The following ZNF462 variants were observed in gnomAD, a reference collection of about 807,000 sequenced individuals.
ZNF462 encodes zinc finger protein 462.
Under a neutral mutation model 201.9 loss-of-function variants are expected in ZNF462, and 10 were observed. The observed-to-expected ratio is 0.05, with a 90% CI of 0.03 to 0.08. The LOEUF (loss-of-function observed/expected upper bound fraction) is 0.08, where lower values mean the gene tolerates loss of function less well. Among genes scored for constraint, ZNF462 ranks in the 10% least tolerant of loss-of-function variants. ZNF462 has a pLI of 1.00. For missense variants in ZNF462, 2,523 were observed against 3,168.3 expected (o/e 0.80, Z 4.89); for synonymous variants, 1,227 against 1,193.3 (o/e 1.03, Z -0.58).
intron 1 of ZNF462, among the ~76,000 whole-genome samples, chr9:106,906,117 T>G (rs1829262216): frequency 6.6e-6 from 1 of 152,206 alleles, no homozygotes; most frequent in African/African-American, 2.4e-5. Context: ...CTAACTTGAC[T>G]CAGCTCCAGG....
At chr9:106,998,973 G>A (rs1475571458) in intron 10 of ZNF462, among the ~76,000 whole-genome samples, 2 of 152,092 alleles carry the variant, frequency 1.3e-5, no homozygotes, top group Non-Finnish European at 2.9e-5. Flanking sequence ...CTTCACAGGG[G>A]ACCTTGAGTG....
intron 1 of ZNF462, among the ~76,000 whole-genome samples, chr9:106,897,904 G>A (rs1828878796): frequency 6.6e-6 from 1 of 152,174 alleles, no homozygotes; most frequent in African/African-American, 2.4e-5. Context: ...TGAGGCTAAA[G>A]CCGTGCTCTA....
chr9:106,899,775 C>T (rs568098574), intron 1 of ZNF462, among the ~76,000 whole-genome samples: 1 of 152,270 alleles, frequency 6.6e-6, no homozygotes, highest in South Asian at 2.1e-4. Flanking sequence ...TCAGGTTTCC[C>T]TCCACCTGCT....
In ZNF462 at chr9:106,935,454, G is replaced by A. The variant is rs201134163; in HGVS notation, c.6117-49G>A. The stretch of plus-strand genomic sequence containing the variant: ...AAAAAGCAATGAGCAAATCCTCTAT[G>A]CAATTTTTAATTTTGTCATTTTTCT... On this transcript the variant is annotated intron_variant, in intron 5 of 12. Transcript: ENST00000277225. This position sits in a 1 kb window ranked among gnomAD's most constrained non-coding sequence, Gnocchi z 4.1. The A allele has an allele frequency of 1.5e-5, 24 of 1,551,170 alleles. No individual in the cohort carries two copies. The African/African-American group carries it at 3.1e-4, about 20-fold the overall frequency.
At position 106,950,115 on chromosome 9, in the gene ZNF462, G is replaced by T. The variant is rs1171612223; in HGVS notation, c.6427+11008G>T. ...CCAACCCTGAATAACCTTCACTCCTGCCCTTCCTCTGATGTTAGCCAGTCT... is the reference window on the plus strand; with the variant it reads ...CCAACCCTGAATAACCTTCACTCCTTCCCTTCCTCTGATGTTAGCCAGTCT... On this transcript the variant is annotated intron_variant, in intron 7 of 12. Coordinates refer to ENST00000277225, the MANE Select transcript of ZNF462 (RefSeq NM_021224.6). This position sits in a 1 kb window ranked among gnomAD's most constrained non-coding sequence, Gnocchi z 4.1. 1.3e-5 allele frequency among the ~76,000 whole-genome samples: 2 copies of T among 152,036 alleles called. No individual in the cohort carries two copies. Among genetic ancestry groups the T allele is most frequent in the African/African-American group, 4.8e-5 (2 of 41,372 alleles).
chr9:106,879,080 C>T (rs1423310582), intron 1 of ZNF462, among the ~76,000 whole-genome samples: 1 of 152,184 alleles, frequency 6.6e-6, no homozygotes, highest in Non-Finnish European at 1.5e-5. Context: ...GGCCACAAAC[C>T]AGCCCTGACG....
At position 106,966,633 on chromosome 9, in the gene ZNF462, C is replaced by G. The variant is rs1055191150; in HGVS notation, c.6428-5372C>G. Among the ~76,000 whole-genome samples the G allele has an allele frequency of 1.3e-5, 2 of 152,054 alleles. No individual in the cohort carries two copies. The highest frequency in any genetic ancestry group is 4.8e-5 in the African/African-American group (2 of 41,398). ...CACGATCAATTATTTACATCTTTGTCTGAGAAAGTGAGTTGCTTGAGGTCA... is the reference window on the plus strand; with the variant it reads ...CACGATCAATTATTTACATCTTTGTGTGAGAAAGTGAGTTGCTTGAGGTCA... On this transcript the variant is annotated intron_variant, in intron 7 of 12. Transcript: ENST00000277225. The surrounding 1 kb of genome is among the most constrained non-coding windows in gnomAD (Gnocchi z 4.4).
rs898207860 is a variant in ZNF462, at chr9:106,972,556, G to T, written c.6695+284G>T. Among the ~76,000 whole-genome samples, 1 of 152,180 alleles carries T rather than the reference G, an allele frequency of 6.6e-6. No individual in the cohort carries two copies. Among genetic ancestry groups the T allele is most frequent in the African/African-American group, 2.4e-5 (1 of 41,444 alleles). On this transcript the variant is annotated intron_variant, in intron 8 of 12. Coordinates refer to ENST00000277225, the MANE Select transcript of ZNF462 (RefSeq NM_021224.6). This position sits in a 1 kb window ranked among gnomAD's most constrained non-coding sequence, Gnocchi z 4.8. ...TGAAGCAAATGATTTCCTCCCATGC[G>T]TGGAGTGGTGTTTCCCTTCAGAGAA...
In ZNF462 at chr9:106,930,812, G is replaced by A; in HGVS notation, c.6012+123G>A. ...ATGCGGGCATTCCTGAATTATGCTTGGATTGGTTTGGCTTGTTTTGATTTC... is the reference window on the plus strand; with the variant it reads ...ATGCGGGCATTCCTGAATTATGCTTAGATTGGTTTGGCTTGTTTTGATTTC... On this transcript the variant is annotated intron_variant, in intron 4 of 12. Transcript: ENST00000277225. The surrounding 1 kb of genome is among the most constrained non-coding windows in gnomAD (Gnocchi z 5.8). The A allele has an allele frequency of 8.2e-7, 1 of 1,225,178 alleles. No individual in the cohort carries two copies. The highest frequency in any genetic ancestry group is 1.1e-6 in the Non-Finnish European group (1 of 886,900). 75.9% of individuals were successfully genotyped at this position (1,225,178 alleles called of 1,614,324 possible). A position where few individuals can be genotyped will look rare whatever the true frequency, so the allele number is the denominator to read the frequency against.
At position 106,929,170 on chromosome 9, in the gene ZNF462, C is replaced by T. The variant is rs767248352; in HGVS notation, c.5258C>T (p.Ser1753Phe). ...ATCCCATCCCCGCCCAAGGACGACT[C>T]CCCTCAGCTGAGCGAGGAACTCCGG... ...VIIPSPPKDD[S>F]PQLSEELRRA... Residue 1753 changes from serine (S) to phenylalanine (F), a missense_variant, in exon 3 of 13, where the codon TCC becomes TTC. Coordinates refer to ENST00000277225, the MANE Select transcript of ZNF462 (RefSeq NM_021224.6). The surrounding 1 kb of genome is among the most constrained non-coding windows in gnomAD (Gnocchi z 8.7). The T allele has an allele frequency of 1.2e-6, 2 of 1,614,158 alleles. No individual in the cohort carries two copies. The highest frequency in any genetic ancestry group is 3.3e-5 in the Admixed American group (2 of 60,020).
chr9:107,008,651 A>ACAC lies in ZNF462; in HGVS notation c.7190-893_7190-891dup, dbSNP rs968469341. On this transcript the variant is annotated intron_variant, in intron 11 of 12. Coordinates refer to ENST00000277225, the MANE Select transcript of ZNF462 (RefSeq NM_021224.6). The surrounding 1 kb of genome is among the most constrained non-coding windows in gnomAD (Gnocchi z 4.8). ...ACATATGGGCTAGGAACTCGGGCTA[A>ACAC]CACAATGGCCATATAATCTCTTATC... is the stretch of plus-strand genomic sequence containing the variant. 1.3e-5 allele frequency among the ~76,000 whole-genome samples: 2 copies of ACAC among 152,206 alleles called. No individual in the cohort carries two copies. Among genetic ancestry groups the ACAC allele is most frequent in the Non-Finnish European group, 2.9e-5 (2 of 68,030 alleles).
rs1829491172 is a variant in ZNF462 at position 107,005,649 on chromosome 9, G to T, written c.7189+2223G>T. ...TCCATAGGTTGTCTATTACTGTGTT[G>T]ATTGTTTCCTTGGCTGTGCAGAAGC... is the stretch of plus-strand genomic sequence containing the variant. On this transcript the variant is annotated intron_variant, in intron 11 of 12. Coordinates refer to ENST00000277225, the MANE Select transcript of ZNF462 (RefSeq NM_021224.6). The surrounding 1 kb of genome is among the most constrained non-coding windows in gnomAD (Gnocchi z 4.4). 6.6e-6 allele frequency among the ~76,000 whole-genome samples: 1 copy of T among 152,104 alleles called. No homozygotes were observed. The highest frequency in any genetic ancestry group is 2.1e-4 in the South Asian group (1 of 4,818).
chr9:106,881,089 C>T (rs1177417341), intron 1 of ZNF462, among the ~76,000 whole-genome samples: 3 of 152,136 alleles, frequency 2.0e-5, no homozygotes, highest in Non-Finnish European at 2.9e-5. Context: ...TGAGTAAGGA[C>T]GAGGACAGTT....
At position 106,924,955 on chromosome 9, in the gene ZNF462, C is replaced by A. The variant is rs530448732; in HGVS notation, c.1043C>A (p.Pro348Gln). 1 of 1,614,136 alleles carries A rather than the reference C, an allele frequency of 6.2e-7. No individual in the cohort carries two copies. Among genetic ancestry groups the A allele is most frequent in the Admixed American group, 1.7e-5 (1 of 60,014 alleles). ...CCCATGTCTTACCCTCAGATGAAGC[C>A]GAAGTCACCTCACAATTCTGGTCTA... ...FSPMSYPQMKPKSPHNSGLVN... is the reference protein window; with the variant it reads ...FSPMSYPQMKQKSPHNSGLVN... Residue 348 changes from proline to glutamine, a missense_variant, in exon 3 of 13, where the codon CCG becomes CAG. Coordinates refer to ENST00000277225, the MANE Select transcript of ZNF462 (RefSeq NM_021224.6). The surrounding 1 kb of genome is among the most constrained non-coding windows in gnomAD (Gnocchi z 6.2).
chr9:106,893,035 C>T (rs1456889357), intron 1 of ZNF462, among the ~76,000 whole-genome samples: 1 of 152,228 alleles, frequency 6.6e-6, no homozygotes, highest in East Asian at 1.9e-4. Context: ...AAATATACTA[C>T]CAAAACATAA....
At chr9:106,879,113 T>C (rs1827969015) in intron 1 of ZNF462, among the ~76,000 whole-genome samples, 1 of 152,210 alleles carries the variant, frequency 6.6e-6, no homozygotes, top group Non-Finnish European at 1.5e-5. Context: ...GTCCAGTTGC[T>C]GAATGCATTA....
intron 1 of ZNF462, among the ~76,000 whole-genome samples, chr9:106,882,252 G>T (rs1828130784): frequency 6.6e-6 from 1 of 152,200 alleles, no homozygotes; most frequent in African/African-American, 2.4e-5. Flanking sequence ...TTGCTCACTA[G>T]TGCCTTGAGC....
intron 9 of ZNF462, among the ~76,000 whole-genome samples, chr9:106,982,916 G>T (rs1319698306): frequency 2.6e-5 from 4 of 152,162 alleles, no homozygotes; most frequent in African/African-American, 7.2e-5. Flanking sequence ...ACGTACCGAT[G>T]CCCTGGAAAC....
At chr9:106,991,554 T>C (rs1210013628) in intron 10 of ZNF462, among the ~76,000 whole-genome samples, 2 of 151,968 alleles carry the variant, frequency 1.3e-5, no homozygotes, top group African/African-American at 2.4e-5. Context: ...CTAAAATTTA[T>C]ATGGAAATGC....
Sources: gnomAD v4.1 joint callset for allele counts (sites outside exome capture counted in the v4.1 genomes callset) on GRCh38, gnomAD v4.1.1 for gene constraint, Gnocchi (gnomAD v3.1) non-coding constraint, MANE v1.5 for transcripts, NCBI Gene and HGNC (gene_info 2026-07-23, HGNC 2026-07-21) for gene names.